Variants in NTN4 observed in about 807,000 individuals in gnomAD.
NTN4 encodes netrin-4.
A neutral mutation model predicts 73.6 loss-of-function variants in NTN4; 32 were observed. The observed-to-expected ratio is 0.44, with a 90% CI of 0.33 to 0.58. NTN4 has a LOEUF of 0.58. Among genes scored for constraint, NTN4 ranks in the 20% least tolerant of loss-of-function variants. NTN4 has a pLI of 0.04. For missense variants in NTN4, 654 were observed against 798.3 expected (o/e 0.82, Z 2.18); for synonymous variants, 258 against 287.5 (o/e 0.90, Z 1.04).
chr12:95,747,606 T>C (rs1431823103), intron 2 of NTN4, among the ~76,000 whole-genome samples: 1 of 152,166 alleles, frequency 6.6e-6, no homozygotes, highest in Non-Finnish European at 1.5e-5. Context: ...GCTTGGACTA[T>C]TTATATTTTT....
chr12:95,771,802 G>A (rs1202140540), intron 2 of NTN4, among the ~76,000 whole-genome samples: 1 of 151,954 alleles, frequency 6.6e-6, no homozygotes, highest in East Asian at 1.9e-4. Flanking sequence ...AATATAGCAT[G>A]CCAACTATTG....
intron 2 of NTN4, among the ~76,000 whole-genome samples, chr12:95,776,708 G>A (rs1020762049): frequency 2.6e-5 from 4 of 152,196 alleles, no homozygotes; most frequent in Non-Finnish European, 5.9e-5. Context: ...AAGTGATGGG[G>A]AGAATGGAAC....
intron 5 of NTN4, among the ~76,000 whole-genome samples, chr12:95,708,033 G>A (rs368060284): frequency 7.2e-5 from 11 of 152,130 alleles, no homozygotes; most frequent in Middle Eastern, 3.4e-3. Flanking sequence ...TATGTTCTAA[G>A]ACACCATTAT....
chr12:95,672,131 G>T, intron 7 of NTN4: 1 of 401,264 alleles, frequency 2.5e-6, no homozygotes, highest in Non-Finnish European at 4.7e-6. Context: ...GACCAGGCTA[G>T]GTAACGTAGT....
intron 2 of NTN4, among the ~76,000 whole-genome samples, chr12:95,784,733 C>G (rs2079155621): frequency 6.6e-6 from 1 of 151,958 alleles, no homozygotes; most frequent in South Asian, 2.1e-4. Flanking sequence ...TGCCACTGCA[C>G]TCCAGCCTGG....
chr12:95,682,080 T>TTTTTA (rs869040983), intron 7 of NTN4, among the ~76,000 whole-genome samples: 1 of 118,456 alleles, frequency 8.4e-6, no homozygotes, highest in Admixed American at 9.3e-5. Flanking sequence ...TTTTTTTTTT[T>TTTTTA]GAGACAAGGT....
intron 7 of NTN4, among the ~76,000 whole-genome samples, chr12:95,679,479 T>C (rs1418545060): frequency 6.6e-6 from 1 of 152,204 alleles, no homozygotes; most frequent in African/African-American, 2.4e-5. Flanking sequence ...AAGCATCTCA[T>C]TCTTTGACTT....
At chr12:95,735,838 T>C (rs2078771654) in intron 3 of NTN4, among the ~76,000 whole-genome samples, 1 of 152,008 alleles carries the variant, frequency 6.6e-6, no homozygotes, top group Non-Finnish European at 1.5e-5. Flanking sequence ...AAAGTTTATA[T>C]TTAGAGGACT....
At chr12:95,664,395 A>G (rs952622858) in intron 9 of NTN4, among the ~76,000 whole-genome samples, 9 of 152,072 alleles carry the variant, frequency 5.9e-5, no homozygotes, top group African/African-American at 2.2e-4. Context: ...ATTATTTTTC[A>G]CAGTTTCCTT....
At chr12:95,686,063 G>T (rs533811628) in intron 5 of NTN4, among the ~76,000 whole-genome samples, 1 of 149,610 alleles carries the variant, frequency 6.7e-6, no homozygotes, top group African/African-American at 2.5e-5. Flanking sequence ...TTTGTAATTT[G>T]TTATTTTTTT....
chr12:95,668,109 A>G (rs940860321), intron 8 of NTN4, among the ~76,000 whole-genome samples: 1 of 150,722 alleles, frequency 6.6e-6, no homozygotes, highest in Non-Finnish European at 1.5e-5. Flanking sequence ...TGCTCAATAG[A>G]TATTTGCTAA....
intron 5 of NTN4, among the ~76,000 whole-genome samples, chr12:95,706,115 C>A (rs1193701351): frequency 6.6e-6 from 1 of 152,152 alleles, no homozygotes; most frequent in Non-Finnish European, 1.5e-5. Context: ...TCTAGATGAG[C>A]TGTATAAGTA....
intron 1 of NTN4, among the ~76,000 whole-genome samples, chr12:95,788,209 C>T (rs1228506309): frequency 6.6e-6 from 1 of 152,156 alleles, no homozygotes; most frequent in Non-Finnish European, 1.5e-5. Context: ...ATTTTACATG[C>T]TGTCTCTTCA....
Position 95,710,595 on chromosome 12 carries a change from G to C in NTN4, c.1026C>G (p.His342Gln). The change falls in exon 5 of 10, where the codon CAC (histidine) becomes CAG (glutamine). Residue 342 changes from histidine to glutamine, a missense_variant. Transcript: ENST00000343702. ...ATGCCTCCCACACATTAACGTCGAA[G>C]TGACAGGTATCAGCATGCCCATTAC... ...CKCNGHADTC[H>Q]FDVNVWEASG... 6.2e-7 allele frequency: 1 copy of C among 1,614,152 alleles called. No individual in the cohort carries two copies.
intron 5 of NTN4, among the ~76,000 whole-genome samples, chr12:95,709,285 A>C (rs1195604343): frequency 5.9e-5 from 9 of 152,014 alleles, no homozygotes; most frequent in Non-Finnish European, 1.5e-5. Flanking sequence ...CATGATCATC[A>C]ATCTCCATTA....
chr12:95,667,356 C>CAT (rs960726460), intron 8 of NTN4, among the ~76,000 whole-genome samples: 1 of 151,504 alleles, frequency 6.6e-6, no homozygotes, highest in Admixed American at 6.6e-5. Context: ...GGCTAATTTT[C>CAT]ATATATATAT....
chr12:95,750,627 C>T (rs1487314614), intron 2 of NTN4, among the ~76,000 whole-genome samples: 44 of 152,144 alleles, frequency 2.9e-4, no homozygotes, highest in Admixed American at 2.6e-3. Flanking sequence ...CCCTTCCTAG[C>T]CTCTGTGCCC....
intron 7 of NTN4, among the ~76,000 whole-genome samples, chr12:95,678,479 C>T (rs187032884): frequency 2.0e-5 from 3 of 151,464 alleles, no homozygotes; most frequent in Non-Finnish European, 4.4e-5. Flanking sequence ...CAGCTAAAAG[C>T]AAAACTCATT....
chr12:95,782,600 C>T (rs575469758), intron 2 of NTN4, among the ~76,000 whole-genome samples: 2 of 152,244 alleles, frequency 1.3e-5, no homozygotes, highest in Non-Finnish European at 2.9e-5. Context: ...CCTAATAATC[C>T]TTTTCTATTC....
Sources: allele counts gnomAD v4.1 joint callset (sites outside exome capture counted in the v4.1 genomes callset), GRCh38; gene constraint gnomAD v4.1.1; transcripts MANE v1.5; gene names NCBI Gene and HGNC (gene_info 2026-07-23, HGNC 2026-07-21).